RAD54B: variants seen among roughly 807,000 people sequenced by gnomAD.
The protein encoded by RAD54B is RAD54 homolog B.
In RAD54B, 78 loss-of-function variants were observed where a neutral mutation model predicts 95.8. The ratio of observed to expected loss-of-function variants is 0.81; its 90% CI spans 0.68 to 0.98. The LOEUF (loss-of-function observed/expected upper bound fraction) is 0.98, where lower values mean the gene tolerates loss of function less well. Ranked by LOEUF, RAD54B falls within the 50% of genes least tolerant of loss-of-function variation. The pLI is 0.00. For missense variants in RAD54B, 957 were observed against 1,056.6 expected (o/e 0.91, Z 1.31); for synonymous variants, 328 against 354.9 (o/e 0.92, Z 0.85).
At chr8:94,399,380 A>G in intron 8 of RAD54B, 34 bp downstream of exon 8, 1 of 1,586,320 alleles carries the variant, frequency 6.3e-7, no homozygotes, top group Non-Finnish European at 8.6e-7. Flanking sequence ...CTAGGCAAAA[A>G]TTCCAAAATA....
intron 3 of RAD54B, among the ~76,000 whole-genome samples, chr8:94,417,376 T>C (rs1035142466): frequency 2.0e-5 from 3 of 152,026 alleles, no homozygotes; most frequent in African/African-American, 7.2e-5. Context: ...TTGTACACTT[T>C]ACATGACTGA....
At position 94,457,267 on chromosome 8, in the gene RAD54B, A is replaced by G. The variant is rs560161449; in HGVS notation, c.304+1001T>C. On this transcript the variant is annotated intron_variant, in intron 3 of 14. Transcript: ENST00000336148. ...GGAAAATAGGGAGGAAAGAAGGGAG[A>G]GCAAGTCAGTAAGATAGAGCAGAGC... Among the ~76,000 whole-genome samples, 23 of 152,286 alleles carry G rather than the reference A, an allele frequency of 1.5e-4. No homozygotes were observed. In the East Asian group the frequency reaches 3.3e-3, roughly 22 times the overall value.
At chr8:94,450,349 A>G (rs1411767889) in intron 3 of RAD54B, among the ~76,000 whole-genome samples, 1 of 152,236 alleles carries the variant, frequency 6.6e-6, no homozygotes, top group Non-Finnish European at 1.5e-5. Context: ...ATGACAATCA[A>G]CTACAAAATG....
chr8:94,391,441 C>G (rs1811016421), intron 10 of RAD54B, among the ~76,000 whole-genome samples, 168 bp downstream of exon 10: 1 of 148,768 alleles, frequency 6.7e-6, no homozygotes, highest in African/African-American at 2.5e-5. Flanking sequence ...CTCTGAAGAA[C>G]AAATGAAAGG....
chr8:94,409,151 T>G (rs567926577), intron 4 of RAD54B, among the ~76,000 whole-genome samples: 2 of 152,230 alleles, frequency 1.3e-5, no homozygotes, highest in African/African-American at 4.8e-5. Flanking sequence ...ATCCCAGTTA[T>G]TTAAAAGAAA....
At chr8:94,373,109 G>C (rs902948205) in intron 14 of RAD54B, 1 of 152,104 alleles carries the variant, frequency 6.6e-6, no homozygotes, top group Non-Finnish European at 1.5e-5. Flanking sequence ...GAACTAGATG[G>C]GGAAAAAAGA....
chr8:94,411,231 C>T lies in RAD54B; in HGVS notation c.389G>A (p.Trp130Ter), dbSNP rs368351289. 35 of 1,611,318 alleles carry T rather than the reference C, an allele frequency of 2.2e-5. No homozygotes were observed. The South Asian group carries it at 3.4e-4, about 16-fold the overall frequency. Residue 130 changes from tryptophan to a stop codon, truncating the protein, a stop_gained, in exon 4 of 15, where the codon TGG (tryptophan) becomes TAG (stop). Coordinates refer to ENST00000336148, the MANE Select transcript of RAD54B (RefSeq NM_012415.3). LOFTEE classifies it high-confidence loss of function. ...ATGTTTTTTCTTTGAAGGCTTACAC[C>T]AAACAACACTGAAATATTTAACTAG... ...DSLVKYFSVVWCKPSKKKHKK... is the reference protein window; with the variant it reads ...DSLVKYFSVV
At chr8:94,460,821 C>A (rs1266274640) in intron 2 of RAD54B, among the ~76,000 whole-genome samples, 1 of 151,898 alleles carries the variant, frequency 6.6e-6, no homozygotes, top group East Asian at 1.9e-4. Context: ...CCTCCATATT[C>A]AAAGTCAACT....
intron 3 of RAD54B, chr8:94,428,385 G>GTA: frequency 4.4e-6 from 4 of 900,404 alleles, no homozygotes; most frequent in Non-Finnish European, 5.3e-6. Context: ...AGGGGGATTG[G>GTA]TTTCAGGACA....
intron 4 of RAD54B, among the ~76,000 whole-genome samples, chr8:94,410,793 A>AAG (rs963022979): frequency 2.6e-5 from 4 of 152,084 alleles, no homozygotes; most frequent in African/African-American, 9.7e-5. Context: ...CATTCTTAAA[A>AAG]AGAGAGAGAG....
chr8:94,390,068 A>G (rs1312125191), intron 10 of RAD54B, among the ~76,000 whole-genome samples: 1 of 152,130 alleles, frequency 6.6e-6, no homozygotes, highest in Non-Finnish European at 1.5e-5. Flanking sequence ...GGCTGGGCGC[A>G]GTGGCTCACA....
At chr8:94,472,676 G>A (rs1813199542) in intron 1 of RAD54B, among the ~76,000 whole-genome samples, 1 of 152,152 alleles carries the variant, frequency 6.6e-6, no homozygotes, top group Non-Finnish European at 1.5e-5. Flanking sequence ...CAGTAGAAAT[G>A]AAGGAAACCA....
At chr8:94,374,375 C>T (rs1441419702) in intron 14 of RAD54B, among the ~76,000 whole-genome samples, 1 of 151,380 alleles carries the variant, frequency 6.6e-6, no homozygotes, top group East Asian at 1.9e-4. Context: ...CTCTGGCTAA[C>T]CAAGAGTTCG....
chr8:94,423,164 A>G (rs927622760), intron 3 of RAD54B, among the ~76,000 whole-genome samples: 2 of 152,118 alleles, frequency 1.3e-5, no homozygotes, highest in Non-Finnish European at 2.9e-5. Context: ...CAGGCTAATC[A>G]CAAGGTCAGG....
intron 3 of RAD54B, 137 bp downstream of exon 3, chr8:94,458,131 A>C (rs1348614567): frequency 8.0e-6 from 6 of 753,408 alleles, no homozygotes; most frequent in Non-Finnish European, 9.9e-6. Context: ...GACAACAAAA[A>C]ACCTGAACTA....
intron 3 of RAD54B, among the ~76,000 whole-genome samples, chr8:94,414,608 T>C (rs532999923): frequency 1.3e-5 from 2 of 152,364 alleles, no homozygotes; most frequent in Admixed American, 6.5e-5. Context: ...TCTTTGGTTC[T>C]GTTTATATGC....
chr8:94,459,620 G>A (rs28397924), intron 2 of RAD54B, among the ~76,000 whole-genome samples: 5,987 of 151,570 alleles, frequency 0.039, 112 homozygotes, highest in Non-Finnish European at 0.048. Context: ...AGCACTTTGG[G>A]AGGCCAAGGC....
At position 94,426,265 on chromosome 8, in the gene RAD54B, TA is replaced by T. The variant is rs551332612; in HGVS notation, c.305-14951del. The stretch of plus-strand genomic sequence containing the variant: ...ACTGTGCCCAGCCTTTTGCAAAAAT[TA>T]AAAAAAAAAAAAAAACTCATACCCT... On this transcript the variant is annotated intron_variant, in intron 3 of 14. Coordinates refer to ENST00000336148, the MANE Select transcript of RAD54B (RefSeq NM_012415.3). Among the ~76,000 whole-genome samples, 454 of 133,758 alleles carry T rather than the reference TA, an allele frequency of 3.4e-3. 1 individual carries two copies. The highest frequency in any genetic ancestry group is 5.9e-3 in the South Asian group (25 of 4,238). The allele number at this position is 133,758 out of a possible 152,430, so 87.8% of individuals were successfully genotyped here.
intron 4 of RAD54B, among the ~76,000 whole-genome samples, chr8:94,409,381 T>TC (rs1328317701): frequency 2.0e-5 from 3 of 151,258 alleles, no homozygotes; most frequent in Non-Finnish European, 4.4e-5. Context: ...TTTCTTTCTT[T>TC]TTTTTTTTTA....
Sources: allele counts gnomAD v4.1 joint callset (sites outside exome capture counted in the v4.1 genomes callset), GRCh38; gene constraint gnomAD v4.1.1; transcripts MANE v1.5; gene names NCBI Gene and HGNC (gene_info 2026-07-23, HGNC 2026-07-21).